PCOLCE2: variants seen among roughly 807,000 people sequenced by gnomAD.
PCOLCE2 encodes the protein procollagen C-endopeptidase enhancer 2, also known as procollagen C-proteinase enhancer 2.
In PCOLCE2, 42 loss-of-function variants were observed where a neutral mutation model predicts 47.0. That is an observed-to-expected ratio of 0.89 (90% CI 0.70 to 1.16). The LOEUF (loss-of-function observed/expected upper bound fraction) is 1.16, where lower values mean the gene tolerates loss of function less well. Ranked by LOEUF, PCOLCE2 falls within the 50% of genes most tolerant of loss-of-function variation. The pLI, the probability that PCOLCE2 is intolerant of heterozygous loss-of-function variation, is 0.00. For missense variants in PCOLCE2, 500 were observed against 526.1 expected (o/e 0.95, Z 0.49); for synonymous variants, 169 against 191.7 (o/e 0.88, Z 0.98).
chr3:142,820,556 G>A (rs1937001467), intron 8 of PCOLCE2, among the ~76,000 whole-genome samples: 1 of 152,048 alleles, frequency 6.6e-6, no homozygotes, highest in Non-Finnish European at 1.5e-5. Flanking sequence ...GTTGGCTGCT[G>A]GATATTTTTC....
intron 2 of PCOLCE2, among the ~76,000 whole-genome samples, chr3:142,885,837 C>T (rs1245992326): frequency 3.9e-5 from 6 of 152,296 alleles, no homozygotes; most frequent in Admixed American, 6.5e-5. Context: ...AACTCTCCAC[C>T]GTGGCCTACA....
At chr3:142,834,064 T>C (rs1560131706) in intron 5 of PCOLCE2, among the ~76,000 whole-genome samples, 1 of 152,232 alleles carries the variant, frequency 6.6e-6, no homozygotes, top group Non-Finnish European at 1.5e-5. Flanking sequence ...ATCCTTTTCC[T>C]GCTGACTGAT....
intron 2 of PCOLCE2, among the ~76,000 whole-genome samples, chr3:142,883,198 CAAAAAAAAAA>C (rs750569279): frequency 1.4e-5 from 1 of 71,898 alleles, no homozygotes; most frequent in Non-Finnish European, 2.5e-5. Context: ...GACTCCGTCT[CAAAAAAAAAA>C]AAAAAAAAAA....
chr3:142,888,123 A>G (rs1054323269), intron 1 of PCOLCE2, among the ~76,000 whole-genome samples: 1 of 152,234 alleles, frequency 6.6e-6, no homozygotes, highest in African/African-American at 2.4e-5. Context: ...CTGAATGAGA[A>G]GCATGGTTTT....
At chr3:142,870,499 C>T (rs939733877) in intron 2 of PCOLCE2, among the ~76,000 whole-genome samples, 1 of 152,122 alleles carries the variant, frequency 6.6e-6, no homozygotes, top group Non-Finnish European at 1.5e-5. Context: ...GTTAGGAAGA[C>T]TCCAAACTCT....
chr3:142,838,475 C>T (rs768006558), intron 5 of PCOLCE2, among the ~76,000 whole-genome samples: 6 of 152,132 alleles, frequency 3.9e-5, no homozygotes, highest in Non-Finnish European at 5.9e-5. Flanking sequence ...GATGTGTGTG[C>T]TCCCTCTTTC....
At chr3:142,868,680 C>T (rs780251537) in intron 2 of PCOLCE2, among the ~76,000 whole-genome samples, 2 of 152,096 alleles carry the variant, frequency 1.3e-5, no homozygotes, top group African/African-American at 4.8e-5. Context: ...TTTAAATTAG[C>T]AGATCAGAAT....
intron 5 of PCOLCE2, among the ~76,000 whole-genome samples, chr3:142,833,402 G>C (rs1398712809): frequency 1.3e-5 from 2 of 151,360 alleles, no homozygotes; most frequent in Admixed American, 6.6e-5. Context: ...GGCTGGTCTC[G>C]AACTCCTGAA....
At chr3:142,843,175 T>A (rs1937286686) in intron 3 of PCOLCE2, 127 bp from the exon 4 acceptor site, 1 of 878,354 alleles carries the variant, frequency 1.1e-6, no homozygotes, top group Non-Finnish European at 1.9e-6. Context: ...GCAGAAGCGC[T>A]TACATTTTCT....
intron 2 of PCOLCE2, among the ~76,000 whole-genome samples, chr3:142,869,655 C>A (rs189171909): frequency 1.3e-5 from 2 of 152,218 alleles, no homozygotes; most frequent in East Asian, 3.8e-4. Flanking sequence ...TAATCAGACA[C>A]TTCTTTCTAT....
chr3:142,874,304 G>A (rs1007238792), intron 2 of PCOLCE2, among the ~76,000 whole-genome samples: 5 of 152,202 alleles, frequency 3.3e-5, no homozygotes, highest in East Asian at 1.9e-4. Context: ...TTGATCTTCC[G>A]ACTTTGTGAT....
chr3:142,871,911 T>G (rs1346415370), intron 2 of PCOLCE2, among the ~76,000 whole-genome samples: 1 of 152,214 alleles, frequency 6.6e-6, no homozygotes, highest in Non-Finnish European at 1.5e-5. Context: ...GTTCTACTTC[T>G]GGAGAACCCT....
chr3:142,860,607 C>G (rs1933163822), intron 2 of PCOLCE2, among the ~76,000 whole-genome samples: 1 of 152,146 alleles, frequency 6.6e-6, no homozygotes, highest in African/African-American at 2.4e-5. Context: ...AAGGTTTCAC[C>G]ATGTTGGTCA....
At chr3:142,850,851 G>C (rs1163482070) in intron 2 of PCOLCE2, among the ~76,000 whole-genome samples, 2 of 152,144 alleles carry the variant, frequency 1.3e-5, no homozygotes, top group East Asian at 3.8e-4. Flanking sequence ...TTTTGCAATG[G>C]GTGTTTCCTA....
At chr3:142,857,396 T>C (rs536210933) in intron 2 of PCOLCE2, among the ~76,000 whole-genome samples, 22 of 152,330 alleles carry the variant, frequency 1.4e-4, no homozygotes, top group Non-Finnish European at 2.6e-4. Context: ...TTTAGCCATG[T>C]GTTCAAGGAG....
chr3:142,849,222 C>A (rs1937364430), intron 2 of PCOLCE2, among the ~76,000 whole-genome samples: 1 of 151,994 alleles, frequency 6.6e-6, no homozygotes, highest in South Asian at 2.1e-4. Flanking sequence ...TAGAATGTTT[C>A]TATGAAGTTC....
chr3:142,874,366 A>C (rs1933453895), intron 2 of PCOLCE2, among the ~76,000 whole-genome samples: 1 of 152,076 alleles, frequency 6.6e-6, no homozygotes. Flanking sequence ...GAGCCACCGC[A>C]CCTGGCCGAG....
At position 142,818,431 on chromosome 3, in the gene PCOLCE2, T is replaced by G; in HGVS notation, c.1152A>C (p.Glu384Asp). ...TTGGCATGATTTTGCCTCGCCCATC[T>G]TCACCTACTTGGCCCATAATAATGT... ...LNYIIMGQVGEDGRGKIMPNS... is the reference protein window; with the variant it reads ...LNYIIMGQVGDDGRGKIMPNS... The change falls in exon 9 of 9, where the codon GAA becomes GAC. Residue 384 changes from glutamate (E) to aspartate (D), a missense_variant. Transcript: ENST00000295992. 1.2e-6 allele frequency: 2 copies of G among 1,612,858 alleles called. No individual in the cohort carries two copies. The highest frequency in any genetic ancestry group is 2.2e-5 in the South Asian group (2 of 91,042).
In PCOLCE2 at chr3:142,829,674, C is replaced by T. The variant is rs758495815; in HGVS notation, c.865+18G>A. 10 of 1,545,752 alleles carry T rather than the reference C, an allele frequency of 6.5e-6. No individual in the cohort carries two copies. Among genetic ancestry groups the T allele is most frequent in the South Asian group, 1.3e-5 (1 of 77,556 alleles). On this transcript the variant is annotated intron_variant, in intron 6 of 8. Coordinates refer to ENST00000295992, the MANE Select transcript of PCOLCE2 (RefSeq NM_013363.4). ...ACTCCTAAAGTTTTTGCACAAACTT[C>T]CAAACAGGAAAACTTACCCGTGGTT...
Sources: gnomAD v4.1 joint callset for allele counts (sites outside exome capture counted in the v4.1 genomes callset) on GRCh38, gnomAD v4.1.1 for gene constraint, MANE v1.5 for transcripts, NCBI Gene and HGNC (gene_info 2026-07-23, HGNC 2026-07-21) for gene names.